Variants in LRP1B observed in about 807,000 individuals in gnomAD.
LRP1B encodes low-density lipoprotein receptor-related protein 1B.
LRP1B carries 217 observed loss-of-function variants against 556.6 expected under a neutral mutation model. The ratio of observed to expected loss-of-function variants is 0.39; its 90% CI spans 0.35 to 0.44. The LOEUF is 0.44. Ranked by LOEUF, LRP1B falls within the 20% of genes least tolerant of loss-of-function variation. The probability of loss-of-function intolerance (pLI) is 1.00; values close to 1 mark genes in which losing one functional copy is unlikely to be tolerated. For synonymous variants in LRP1B, 2,047 were observed against 1,865.8 expected, an observed-to-expected ratio of 1.10 and a Z score of -2.50; for missense variants, 5,053 against 5,620.8, an observed-to-expected ratio of 0.90 and a Z score of 3.23.
At chr2:141,767,494 T>A (rs994785970) in intron 2 of LRP1B, among the ~76,000 whole-genome samples, 1 of 152,182 alleles carries the variant, frequency 6.6e-6, no homozygotes, top group African/African-American at 2.4e-5. Flanking sequence ...TTAGGACTTA[T>A]ACATTTGTCA....
At chr2:141,190,412 C>T (rs1241222067) in intron 6 of LRP1B, among the ~76,000 whole-genome samples, 1 of 151,922 alleles carries the variant, frequency 6.6e-6, no homozygotes, top group African/African-American at 2.4e-5. Flanking sequence ...TTTAGAAGAG[C>T]TTATCTGTCT....
At chr2:142,130,379 G>A (rs762966671) in intron 1 of LRP1B, among the ~76,000 whole-genome samples, 1 of 152,210 alleles carries the variant, frequency 6.6e-6, no homozygotes, top group South Asian at 2.1e-4. Context: ...GAAGCGCACA[G>A]CCAAGTGCAC....
At chr2:140,742,482 C>A (rs894808131) in intron 35 of LRP1B, among the ~76,000 whole-genome samples, 1 of 152,078 alleles carries the variant, frequency 6.6e-6, no homozygotes, top group Admixed American at 6.6e-5. Context: ...TATCCCAAAT[C>A]TTGCTATTCA....
intron 84 of LRP1B, among the ~76,000 whole-genome samples, chr2:140,286,292 A>G (rs1683147852): frequency 6.6e-6 from 1 of 151,870 alleles, no homozygotes; most frequent in African/African-American, 2.4e-5. Context: ...GGTTCGTCCT[A>G]TTCTGAAACT....
intron 20 of LRP1B, among the ~76,000 whole-genome samples, chr2:140,943,766 A>C (rs1363104568): frequency 6.6e-6 from 1 of 152,108 alleles, no homozygotes; most frequent in African/African-American, 2.4e-5. Context: ...GGATTTGACA[A>C]AAGTAGTCTT....
intron 1 of LRP1B, among the ~76,000 whole-genome samples, chr2:141,941,676 G>C (rs1700807057): frequency 6.6e-6 from 1 of 152,152 alleles, no homozygotes; most frequent in Admixed American, 6.5e-5. Flanking sequence ...TGGGAAGCTG[G>C]CACAAAAGGG....
At chr2:140,875,055 A>G (rs1693264064) in intron 25 of LRP1B, among the ~76,000 whole-genome samples, 1 of 151,958 alleles carries the variant, frequency 6.6e-6, no homozygotes, top group African/African-American at 2.4e-5. Context: ...GTCCTGCTAA[A>G]TCTTAAATGG....
intron 3 of LRP1B, among the ~76,000 whole-genome samples, chr2:141,421,224 C>A (rs1680126287): frequency 6.6e-6 from 1 of 152,140 alleles, no homozygotes; most frequent in Non-Finnish European, 1.5e-5. Context: ...CAAAGAAATA[C>A]ACTTTAAAAA....
chr2:140,832,633 C>T (rs916258589), intron 31 of LRP1B, among the ~76,000 whole-genome samples: 1 of 151,946 alleles, frequency 6.6e-6, no homozygotes. Flanking sequence ...GAGAAATTGG[C>T]GAGGCACAGA....
chr2:141,343,951 A>G (rs1688156443), intron 3 of LRP1B, among the ~76,000 whole-genome samples: 1 of 152,138 alleles, frequency 6.6e-6, no homozygotes, highest in East Asian at 1.9e-4. Flanking sequence ...GCTCAGGAAG[A>G]CATCTGTGGT....
At chr2:140,421,874 T>C (rs142122846) in intron 66 of LRP1B, among the ~76,000 whole-genome samples, 3 of 152,320 alleles carry the variant, frequency 2.0e-5, no homozygotes, top group Admixed American at 6.5e-5. Context: ...GATCTTCTCC[T>C]GAAACTGTCC....
At chr2:142,009,347 C>T (rs144748006) in intron 1 of LRP1B, among the ~76,000 whole-genome samples, 1 of 152,026 alleles carries the variant, frequency 6.6e-6, no homozygotes, top group Non-Finnish European at 1.5e-5. Flanking sequence ...TATATACAAC[C>T]GAGATGTCCT....
intron 7 of LRP1B, among the ~76,000 whole-genome samples, chr2:141,086,739 G>T (rs1042044297): frequency 6.6e-6 from 1 of 151,988 alleles, no homozygotes; most frequent in Non-Finnish European, 1.5e-5. Context: ...ATTGCTCAGT[G>T]GTCCTGCAAG....
intron 2 of LRP1B, among the ~76,000 whole-genome samples, chr2:141,608,645 A>C (rs1688001410): frequency 6.6e-6 from 1 of 152,228 alleles, no homozygotes; most frequent in Admixed American, 6.5e-5. Flanking sequence ...GTTCCAGTGA[A>C]TGTTTCACAA....
At chr2:140,379,911 T>C (rs1462203349) in intron 67 of LRP1B, among the ~76,000 whole-genome samples, 2 of 152,174 alleles carry the variant, frequency 1.3e-5, no homozygotes, top group Non-Finnish European at 2.9e-5. Context: ...GTTTAGTAAA[T>C]GTGACAATAG....
intron 3 of LRP1B, among the ~76,000 whole-genome samples, chr2:141,264,051 T>C (rs1254280549): frequency 1.3e-5 from 2 of 152,206 alleles, no homozygotes; most frequent in Non-Finnish European, 2.9e-5. Flanking sequence ...ATAACTTCTC[T>C]TACCATTTAT....
intron 41 of LRP1B, among the ~76,000 whole-genome samples, chr2:140,666,028 C>T (rs1685256556): frequency 2.7e-5 from 4 of 148,884 alleles, no homozygotes; most frequent in South Asian, 2.1e-4. Context: ...GAGTCTCACT[C>T]TGTTGCCCAA....
At position 140,598,697 on chromosome 2, in the gene LRP1B, C is replaced by A. The variant is rs1172071502; in HGVS notation, c.7128G>T (p.Lys2376Asn). 1 of 1,613,670 alleles carries A rather than the reference C, an allele frequency of 6.2e-7. No individual in the cohort carries two copies. Among genetic ancestry groups the A allele is most frequent in the Non-Finnish European group, 8.5e-7 (1 of 1,179,820 alleles). ...CTAGACTGCCATCTGAGAAATACAG[C>A]TTCTCTGCACGGTAGTCGATAGTAA... ...NGLTIDYRAEKLYFSDGSLGK... is the reference protein window; with the variant it reads ...NGLTIDYRAENLYFSDGSLGK... The change falls in exon 43 of 91, where the codon AAG becomes AAT. Residue 2376 changes from lysine (K) to asparagine (N), a missense_variant. Transcript: ENST00000389484.
At chr2:140,287,965 G>A (rs924517312) in intron 84 of LRP1B, among the ~76,000 whole-genome samples, 1 of 151,628 alleles carries the variant, frequency 6.6e-6, no homozygotes, top group East Asian at 1.9e-4. Flanking sequence ...TCAGATTTAT[G>A]ATGTATTTTT....
Sources: gnomAD v4.1 joint callset for allele counts (sites outside exome capture counted in the v4.1 genomes callset) on GRCh38, gnomAD v4.1.1 for gene constraint, MANE v1.5 for transcripts, NCBI Gene and HGNC (gene_info 2026-07-23, HGNC 2026-07-21) for gene names.